The following LHFPL6 variants were observed in gnomAD, a reference collection of about 807,000 sequenced individuals.
LHFPL6 encodes LHFPL tetraspan subfamily member 6 protein.
In LHFPL6, 9 loss-of-function variants were observed where a neutral mutation model predicts 20.6. The observed-to-expected ratio is 0.44, with a 90% CI of 0.26 to 0.76. The LOEUF (loss-of-function observed/expected upper bound fraction) is 0.76, where lower values mean the gene tolerates loss of function less well. Ranked by LOEUF, LHFPL6 falls within the 30% of genes least tolerant of loss-of-function variation. LHFPL6 has a pLI of 0.20. For synonymous variants in LHFPL6, 105 were observed against 98.7 expected, an observed-to-expected ratio of 1.06 and a Z score of -0.38; for missense variants, 218 against 253.5, an observed-to-expected ratio of 0.86 and a Z score of 0.95.
At chr13:39,346,778 A>C (rs1453906153) in intron 3 of LHFPL6, among the ~76,000 whole-genome samples, 2 of 152,154 alleles carry the variant, frequency 1.3e-5, no homozygotes, top group Admixed American at 6.6e-5. Context: ...ATGACCCAGC[A>C]CTTTGGGAGG....
rs139114117 is a variant in LHFPL6 at position 39,385,964 on chromosome 13, ACT to A, written c.386-7440_386-7439del. Among the ~76,000 whole-genome samples the A allele has an allele frequency of 2.6e-3, 403 of 152,208 alleles. 1 individual carries two copies. Among genetic ancestry groups the A allele is most frequent in the African/African-American group, 7.6e-3 (314 of 41,534 alleles). On this transcript the variant is annotated intron_variant, in intron 2 of 3. Transcript: ENST00000379589. Reference sequence around the variant, plus strand: ...TTTATTTTATTTTTTTAATGGAATGACTTTTTCCACCCTTGGCCCCTTGAGTG... The same window carrying A: ...TTTATTTTATTTTTTTAATGGAATGATTTTCCACCCTTGGCCCCTTGAGTG...
At chr13:39,521,061 A>C (rs1190591374) in intron 2 of LHFPL6, among the ~76,000 whole-genome samples, 10 of 152,148 alleles carry the variant, frequency 6.6e-5, no homozygotes, top group Non-Finnish European at 5.9e-5. Flanking sequence ...CATAATTCTA[A>C]AATTATGACT....
At chr13:39,523,731 T>A (rs545318442) in intron 2 of LHFPL6, among the ~76,000 whole-genome samples, 1 of 152,306 alleles carries the variant, frequency 6.6e-6, no homozygotes, top group East Asian at 1.9e-4. Flanking sequence ...CTACCACCAC[T>A]ACTGCTCTGC....
intron 2 of LHFPL6, among the ~76,000 whole-genome samples, chr13:39,449,870 A>C (rs1247734129): frequency 6.6e-6 from 1 of 151,966 alleles, no homozygotes; most frequent in African/African-American, 2.4e-5. Flanking sequence ...ACTAAGATTG[A>C]ATAGTTTGCT....
At chr13:39,348,788 C>T (rs182882225) in intron 3 of LHFPL6, among the ~76,000 whole-genome samples, 187 of 152,274 alleles carry the variant, frequency 1.2e-3, no homozygotes, top group African/African-American at 3.7e-3. Context: ...CTTTCGGCAC[C>T]AGCTCTCTCC....
intron 2 of LHFPL6, among the ~76,000 whole-genome samples, chr13:39,494,405 T>C (rs1432375521): frequency 6.6e-6 from 1 of 152,150 alleles, no homozygotes; most frequent in Non-Finnish European, 1.5e-5. Flanking sequence ...GATTGAAGGA[T>C]ACAGAAGGTA....
At chr13:39,600,669 C>T (rs556556420) in intron 2 of LHFPL6, among the ~76,000 whole-genome samples, 163 bp downstream of exon 2, 3 of 152,324 alleles carry the variant, frequency 2.0e-5, no homozygotes, top group Admixed American at 2.0e-4. Context: ...GCAATTCTGA[C>T]AATAATCTTG....
At chr13:39,560,561 C>T (rs1173092646) in intron 2 of LHFPL6, among the ~76,000 whole-genome samples, 1 of 140,140 alleles carries the variant, frequency 7.1e-6, no homozygotes, top group Admixed American at 7.8e-5. Flanking sequence ...GTCGCCCAGG[C>T]TGGAGTGCAG....
chr13:39,589,157 A>T (rs1026825891), intron 2 of LHFPL6, among the ~76,000 whole-genome samples: 1 of 152,064 alleles, frequency 6.6e-6, no homozygotes, highest in Non-Finnish European at 1.5e-5. Context: ...CCCAGGGTGG[A>T]GTGCAGTGGC....
At chr13:39,581,727 C>A (rs1231130829) in intron 2 of LHFPL6, among the ~76,000 whole-genome samples, 1 of 151,486 alleles carries the variant, frequency 6.6e-6, no homozygotes, top group Non-Finnish European at 1.5e-5. Context: ...CAAAAACAAA[C>A]CAAAAAAAAG....
At chr13:39,351,564 A>G (rs1443009903) in intron 3 of LHFPL6, among the ~76,000 whole-genome samples, 1 of 152,162 alleles carries the variant, frequency 6.6e-6, no homozygotes, top group Non-Finnish European at 1.5e-5. Context: ...TACCCCTTCA[A>G]TTTGCCAGTC....
intron 2 of LHFPL6, among the ~76,000 whole-genome samples, chr13:39,594,101 C>A (rs960595044): frequency 2.0e-5 from 3 of 152,218 alleles, no homozygotes; most frequent in Non-Finnish European, 4.4e-5. Flanking sequence ...GCAACAAAAG[C>A]CAAAATTGAC....
In LHFPL6 at chr13:39,542,737, C is replaced by T. The variant is rs371618036; in HGVS notation, c.385+58095G>A. On this transcript the variant is annotated intron_variant, in intron 2 of 3. Coordinates refer to ENST00000379589, the MANE Select transcript of LHFPL6 (RefSeq NM_005780.3). The stretch of plus-strand genomic sequence containing the variant: ...AACTTTCTCTTCAGTTCCTTGTCCT[C>T]TGGCACTTGGTTCAATTCAGAGTTC... Among the ~76,000 whole-genome samples, 15 of 152,344 alleles carry T rather than the reference C, an allele frequency of 9.8e-5. No individual in the cohort carries two copies. In the South Asian group the frequency reaches 3.1e-3, roughly 32 times the overall value.
At chr13:39,364,043 G>T (rs1040809155) in intron 3 of LHFPL6, among the ~76,000 whole-genome samples, 5 of 152,134 alleles carry the variant, frequency 3.3e-5, no homozygotes, top group African/African-American at 9.7e-5. Context: ...TCATCTGGTG[G>T]GTCCACCATC....
chr13:39,497,192 G>C (rs1024091475), intron 2 of LHFPL6, among the ~76,000 whole-genome samples: 1 of 152,136 alleles, frequency 6.6e-6, no homozygotes, highest in Non-Finnish European at 1.5e-5. Flanking sequence ...CAGACTGAAG[G>C]CATGATGTCA....
At chr13:39,450,365 AT>A (rs1308389412) in intron 2 of LHFPL6, among the ~76,000 whole-genome samples, 12 of 152,198 alleles carry the variant, frequency 7.9e-5, no homozygotes, top group Non-Finnish European at 1.5e-4. Flanking sequence ...AGAAGAGTTG[AT>A]GTTCATTCTG....
chr13:39,426,202 T>A (rs1200724162), intron 2 of LHFPL6, among the ~76,000 whole-genome samples: 1 of 151,266 alleles, frequency 6.6e-6, no homozygotes, highest in East Asian at 1.9e-4. Flanking sequence ...TCTAATTTAC[T>A]TTCTTTTCTT....
intron 3 of LHFPL6, among the ~76,000 whole-genome samples, chr13:39,371,090 A>G (rs1416203547): frequency 1.3e-5 from 2 of 152,168 alleles, no homozygotes; most frequent in African/African-American, 4.8e-5. Flanking sequence ...GAAAATTGGA[A>G]GAAACAGACT....
chr13:39,495,059 G>T (rs547733774), intron 2 of LHFPL6, among the ~76,000 whole-genome samples: 39 of 152,204 alleles, frequency 2.6e-4, no homozygotes, highest in South Asian at 1.7e-3. Context: ...CACTTTCTCC[G>T]TGCTCACCAC....
Sources: allele counts gnomAD v4.1 joint callset (sites outside exome capture counted in the v4.1 genomes callset), GRCh38; gene constraint gnomAD v4.1.1; transcripts MANE v1.5; gene names NCBI Gene and HGNC (gene_info 2026-07-23, HGNC 2026-07-21).